Variants in EXOC4 observed in about 807,000 individuals in gnomAD.
EXOC4 encodes the protein SEC8-like 1.
EXOC4 carries 71 observed loss-of-function variants against 107.2 expected under a neutral mutation model. The observed-to-expected ratio is 0.66, with a 90% confidence interval of 0.55 to 0.81. The LOEUF is 0.81. EXOC4 is among the 30% of genes least tolerant of loss of function. EXOC4 has a pLI of 0.00. For synonymous variants in EXOC4, 456 were observed against 441.2 expected, an observed-to-expected ratio of 1.03 and a Z score of -0.42; for missense variants, 1,108 against 1,189.6, an observed-to-expected ratio of 0.93 and a Z score of 1.01.
At chr7:133,359,736 C>T (rs183934121) in intron 6 of EXOC4, among the ~76,000 whole-genome samples, 26 of 152,264 alleles carry the variant, frequency 1.7e-4, no homozygotes, top group Admixed American at 4.6e-4. Context: ...ATGTTGTGTG[C>T]TATTTTGCTA....
intron 6 of EXOC4, among the ~76,000 whole-genome samples, chr7:133,373,063 G>C (rs1330552889): frequency 6.6e-6 from 1 of 152,070 alleles, no homozygotes; most frequent in African/African-American, 2.4e-5. Context: ...ACATACCTAG[G>C]ATAAATCTTT....
At chr7:133,823,185 A>G (rs1371898323) in intron 11 of EXOC4, among the ~76,000 whole-genome samples, 1 of 152,210 alleles carries the variant, frequency 6.6e-6, no homozygotes, top group East Asian at 1.9e-4. Context: ...TCTCTGCCCC[A>G]GTATTTGTCA....
At chr7:133,337,855 C>T (rs1199936381) in intron 5 of EXOC4, among the ~76,000 whole-genome samples, 2 of 151,916 alleles carry the variant, frequency 1.3e-5, no homozygotes, top group East Asian at 3.9e-4. Flanking sequence ...TGGTCTCAAA[C>T]TCCTGGATTC....
chr7:133,895,724 T>C lies in EXOC4; in HGVS notation c.1860T>C (p.Thr620=). ...TCCAGGAGTACAAGGACACCTGCAC[T>C]GCAGCTTACAGGTAGAGCTTCTGTT... ...VKLQEYKDTC[T]AAYRGIVQSE... Residue 620 remains threonine, a synonymous_variant, in exon 12 of 18, where the codon ACT becomes ACC. Transcript: ENST00000253861. 1.2e-6 allele frequency: 2 copies of C among 1,613,866 alleles called. No individual in the cohort carries two copies. Among genetic ancestry groups the C allele is most frequent in the South Asian group, 1.1e-5 (1 of 91,022 alleles).
intron 9 of EXOC4, among the ~76,000 whole-genome samples, chr7:133,484,964 C>T (rs1322810736): frequency 6.6e-6 from 1 of 151,360 alleles, no homozygotes; most frequent in Non-Finnish European, 1.5e-5. Flanking sequence ...CCTGTAATCC[C>T]AGCTACTTGG....
chr7:133,829,280 G>T (rs1348648993), intron 11 of EXOC4, among the ~76,000 whole-genome samples: 1 of 152,158 alleles, frequency 6.6e-6, no homozygotes, highest in African/African-American at 2.4e-5. Context: ...GTTTACTTTT[G>T]AAGTGAAAAT....
chr7:133,446,473 T>C (rs1798222674), intron 7 of EXOC4, among the ~76,000 whole-genome samples: 1 of 152,192 alleles, frequency 6.6e-6, no homozygotes, highest in South Asian at 2.1e-4. Context: ...TGCTCACTGT[T>C]AGCTAGTGAA....
chr7:133,724,348 CA>C (rs1307001738), intron 10 of EXOC4, among the ~76,000 whole-genome samples: 2 of 152,202 alleles, frequency 1.3e-5, no homozygotes, highest in African/African-American at 2.4e-5. Context: ...GTCAGTGCAG[CA>C]AAGGCACATT....
chr7:133,489,796 A>G (rs1799337649), intron 9 of EXOC4, among the ~76,000 whole-genome samples: 1 of 152,152 alleles, frequency 6.6e-6, no homozygotes, highest in Non-Finnish European at 1.5e-5. Context: ...AAGGGACCAT[A>G]AATGTGTCAC....
intron 7 of EXOC4, among the ~76,000 whole-genome samples, chr7:133,468,705 C>G (rs1446063606): frequency 6.6e-6 from 1 of 152,130 alleles, no homozygotes; most frequent in Non-Finnish European, 1.5e-5. Flanking sequence ...TGGGAGAAAG[C>G]CAGAGGAATT....
At chr7:133,828,021 C>G (rs1046591414) in intron 11 of EXOC4, among the ~76,000 whole-genome samples, 1 of 152,138 alleles carries the variant, frequency 6.6e-6, no homozygotes, top group Non-Finnish European at 1.5e-5. Flanking sequence ...CTAGACTGTT[C>G]TATGAAACAG....
intron 1 of EXOC4, among the ~76,000 whole-genome samples, chr7:133,269,138 A>G (rs572216211): frequency 1.6e-4 from 25 of 152,288 alleles, no homozygotes; most frequent in African/African-American, 5.1e-4. Context: ...CATGCTTTTA[A>G]ATCTTGCCCA....
chr7:133,994,399 G>T (rs1463643809), intron 14 of EXOC4, among the ~76,000 whole-genome samples: 1 of 152,166 alleles, frequency 6.6e-6, no homozygotes, highest in South Asian at 2.1e-4. Flanking sequence ...TACCTAATGC[G>T]TGCGAGGCTT....
intron 5 of EXOC4, among the ~76,000 whole-genome samples, chr7:133,342,207 G>C (rs1474519258): frequency 6.6e-6 from 1 of 151,980 alleles, no homozygotes; most frequent in Non-Finnish European, 1.5e-5. Context: ...TAGAGCTCCT[G>C]TTAGCAGTTC....
intron 14 of EXOC4, among the ~76,000 whole-genome samples, chr7:133,941,155 G>A (rs755169588): frequency 6.6e-6 from 1 of 151,468 alleles, no homozygotes; most frequent in Non-Finnish European, 1.5e-5. Context: ...CCACCACCAC[G>A]CCTGGCTAAT....
chr7:133,866,221 A>G (rs1380491757), intron 11 of EXOC4, among the ~76,000 whole-genome samples: 1 of 152,210 alleles, frequency 6.6e-6, no homozygotes, highest in Non-Finnish European at 1.5e-5. Context: ...AGGGAAATCG[A>G]GCGACTTCTC....
intron 11 of EXOC4, among the ~76,000 whole-genome samples, chr7:133,881,488 C>A (rs1798966200): frequency 6.6e-6 from 1 of 152,156 alleles, no homozygotes; most frequent in African/African-American, 2.4e-5. Flanking sequence ...TCACCCCAGT[C>A]CAATTAACTC....
chr7:133,833,837 T>A (rs1224693444), intron 11 of EXOC4, among the ~76,000 whole-genome samples: 1 of 152,192 alleles, frequency 6.6e-6, no homozygotes, highest in Non-Finnish European at 1.5e-5. Context: ...CATGTTGGAT[T>A]TATAGATGCA....
At chr7:133,744,823 A>T (rs989923047) in intron 10 of EXOC4, among the ~76,000 whole-genome samples, 6 of 152,138 alleles carry the variant, frequency 3.9e-5, no homozygotes, top group African/African-American at 1.4e-4. Context: ...TACACCCTTT[A>T]GCTAAGGCCA....
Sources: gnomAD v4.1 joint callset for allele counts (sites outside exome capture counted in the v4.1 genomes callset) on GRCh38, gnomAD v4.1.1 for gene constraint, MANE v1.5 for transcripts, NCBI Gene and HGNC (gene_info 2026-07-23, HGNC 2026-07-21) for gene names.